The following SNTG2 variants were observed in gnomAD, a reference collection of about 807,000 sequenced individuals.
SNTG2 encodes gamma-2-syntrophin.
SNTG2 carries 74 observed loss-of-function variants against 70.9 expected under a neutral mutation model. The observed-to-expected ratio is 1.04, with a 90% confidence interval of 0.86 to 1.27. The LOEUF (loss-of-function observed/expected upper bound fraction) is 1.27. Among genes scored for constraint, SNTG2 ranks in the 50% most tolerant of loss-of-function variants. The pLI is 0.00. For missense variants in SNTG2, 717 were observed against 690.7 expected (o/e 1.04, Z -0.43); for synonymous variants, 278 against 273.8 (o/e 1.02, Z -0.15).
chr2:1,020,385 G>A (rs1434308497), intron 1 of SNTG2, among the ~76,000 whole-genome samples: 1 of 152,192 alleles, frequency 6.6e-6, no homozygotes, highest in Non-Finnish European at 1.5e-5. Flanking sequence ...GGTGAGTGAG[G>A]GAACCACTTA....
chr2:1,318,701 A>G (rs1016381583), intron 16 of SNTG2, among the ~76,000 whole-genome samples: 1 of 152,228 alleles, frequency 6.6e-6, no homozygotes, highest in African/African-American at 2.4e-5. Context: ...TTGGATGTGA[A>G]TGGATCAGGG....
intron 12 of SNTG2, among the ~76,000 whole-genome samples, chr2:1,250,812 C>G (rs752419985): frequency 1.3e-5 from 2 of 152,220 alleles, no homozygotes; most frequent in East Asian, 3.9e-4. Flanking sequence ...TCCAGTCCCT[C>G]AGAGACAGTT....
chr2:1,204,055 C>T lies in SNTG2; in HGVS notation c.592-5048C>T, dbSNP rs539494440. Among the ~76,000 whole-genome samples the T allele has an allele frequency of 2.2e-4, 34 of 152,204 alleles. No individual in the cohort carries two copies. The South Asian group carries it at 5.0e-3, about 22-fold the overall frequency. ...TACACACAAGTGATAGTGCATCATT[C>T]GATTAATACCGAGTTATAAAGCAGC... On this transcript the variant is annotated intron_variant, in intron 8 of 16. Transcript: ENST00000308624.
At chr2:974,438 G>C (rs1439104577) in intron 1 of SNTG2, among the ~76,000 whole-genome samples, 1 of 152,144 alleles carries the variant, frequency 6.6e-6, no homozygotes, top group African/African-American at 2.4e-5. Context: ...TCTTTTCCAG[G>C]CAGCCCTGTC....
intron 9 of SNTG2, among the ~76,000 whole-genome samples, chr2:1,230,559 A>G (rs1471688991): frequency 6.6e-6 from 1 of 152,214 alleles, no homozygotes; most frequent in Admixed American, 6.5e-5. Flanking sequence ...TTGATCTCAG[A>G]TAACCAAGAA....
intron 4 of SNTG2, among the ~76,000 whole-genome samples, chr2:1,115,965 C>T (rs530676479): frequency 1.9e-4 from 29 of 152,332 alleles, no homozygotes; most frequent in African/African-American, 4.1e-4. Context: ...AGGACCTTGG[C>T]GGAGGTGGGG....
intron 1 of SNTG2, among the ~76,000 whole-genome samples, chr2:988,614 T>TG (rs1661401763): frequency 6.6e-6 from 1 of 152,168 alleles, no homozygotes; most frequent in Non-Finnish European, 1.5e-5. Flanking sequence ...GTGAATAAAG[T>TG]GGCTGTGGGC....
At chr2:1,333,857 C>T (rs1659660723) in intron 16 of SNTG2, among the ~76,000 whole-genome samples, 1 of 152,136 alleles carries the variant, frequency 6.6e-6, no homozygotes, top group Admixed American at 6.5e-5. Context: ...ATCAGAAAAA[C>T]TCTTCTAGAC....
chr2:1,156,532 G>A (rs1382862271), intron 6 of SNTG2, among the ~76,000 whole-genome samples: 3 of 152,170 alleles, frequency 2.0e-5, no homozygotes, highest in Admixed American at 1.3e-4. Context: ...AGGATGAACC[G>A]TCATGAATTT....
chr2:1,012,566 G>A (rs902993737), intron 1 of SNTG2, among the ~76,000 whole-genome samples: 1 of 147,150 alleles, frequency 6.8e-6, no homozygotes, highest in Non-Finnish European at 1.5e-5. Flanking sequence ...AGAGAGAAGG[G>A]TGGTCTGGAG....
At chr2:1,258,209 T>C (rs1480561719) in intron 12 of SNTG2, among the ~76,000 whole-genome samples, 1 of 152,180 alleles carries the variant, frequency 6.6e-6, no homozygotes, top group Admixed American at 6.5e-5. Flanking sequence ...CAGGCATCCA[T>C]CAGCATGGCT....
At position 1,173,186 on chromosome 2, in the gene SNTG2, A is replaced by C. The variant is rs780434648; in HGVS notation, c.591+3A>C. ...TGAACGGAAACTCCAGTACCACAGT[A>C]AGCATATAGATTTTTGTTAAATTTT... On this transcript the variant is annotated splice_donor_region_variant and intron_variant, in intron 8 of 16. Transcript: ENST00000308624. 1 of 1,612,558 alleles carries C rather than the reference A, an allele frequency of 6.2e-7. No individual in the cohort carries two copies.
rs140248151 is a variant in SNTG2 at position 1,158,807 on chromosome 2, C to T, written c.412-6741C>T. 3.0e-4 allele frequency among the ~76,000 whole-genome samples: 45 copies of T among 152,238 alleles called. 1 individual carries two copies. The highest frequency in any genetic ancestry group is 1.1e-3 in the African/African-American group (44 of 41,522). ...TGTCGTTGCCAATCGTGGTAAGTCT[C>T]CATAGGGCTGCAGTGTCGTGTGTGC... On this transcript the variant is annotated intron_variant, in intron 6 of 16. Coordinates refer to ENST00000308624, the MANE Select transcript of SNTG2 (RefSeq NM_018968.4).
chr2:1,314,755 G>C (rs529714754), intron 15 of SNTG2, among the ~76,000 whole-genome samples: 1 of 152,366 alleles, frequency 6.6e-6, no homozygotes, highest in African/African-American at 2.4e-5. Context: ...AATGGACTCA[G>C]TTCCACATGG....
chr2:1,218,014 G>A (rs1674512964), intron 9 of SNTG2, among the ~76,000 whole-genome samples: 1 of 152,038 alleles, frequency 6.6e-6, no homozygotes, highest in South Asian at 2.1e-4. Context: ...ACTCAGGGTT[G>A]CTGGCAGAAT....
chr2:1,004,366 T>G (rs1418689550), intron 1 of SNTG2, among the ~76,000 whole-genome samples: 1 of 152,194 alleles, frequency 6.6e-6, no homozygotes, highest in African/African-American at 2.4e-5. Context: ...CAAAAGACAT[T>G]GTTAAGATAA....
At chr2:1,210,364 A>G (rs1173471082) in intron 9 of SNTG2, 1 of 152,124 alleles carries the variant, frequency 6.6e-6, no homozygotes, top group East Asian at 1.9e-4. Flanking sequence ...GGATGGATGG[A>G]TAGGTAGATA....
At chr2:1,075,134 T>G (rs774051625) in intron 1 of SNTG2, among the ~76,000 whole-genome samples, 1 of 152,254 alleles carries the variant, frequency 6.6e-6, no homozygotes, top group African/African-American at 2.4e-5. Context: ...GTCACATAAC[T>G]AAGAAAAATG....
chr2:1,193,905 AT>A (rs1672747453), intron 8 of SNTG2, among the ~76,000 whole-genome samples: 1 of 152,254 alleles, frequency 6.6e-6, no homozygotes, highest in Non-Finnish European at 1.5e-5. Flanking sequence ...TAGTTGGTAT[AT>A]TCTGACTTTC....
Sources: gnomAD v4.1 joint callset for allele counts (sites outside exome capture counted in the v4.1 genomes callset) on GRCh38, gnomAD v4.1.1 for gene constraint, MANE v1.5 for transcripts, NCBI Gene and HGNC (gene_info 2026-07-23, HGNC 2026-07-21) for gene names.